KHDRBS2: variants seen among roughly 807,000 people sequenced by gnomAD.
KHDRBS2 encodes KH domain-containing, RNA-binding, signal transduction-associated protein 2.
KHDRBS2 carries 26 observed loss-of-function variants against 44.3 expected under a neutral mutation model. The ratio of observed to expected loss-of-function variants is 0.59; its 90% CI spans 0.43 to 0.81. The LOEUF is 0.81. Among genes scored for constraint, KHDRBS2 ranks in the 40% least tolerant of loss-of-function variants. The pLI, the probability that KHDRBS2 is intolerant of heterozygous loss-of-function variation, is 0.00. For synonymous variants in KHDRBS2, 194 were observed against 151.1 expected, an observed-to-expected ratio of 1.28 and a Z score of -2.08; for missense variants, 476 against 433.1, an observed-to-expected ratio of 1.10 and a Z score of -0.88.
intron 4 of KHDRBS2, among the ~76,000 whole-genome samples, chr6:61,962,748 T>TA (rs1168709465): frequency 2.0e-5 from 3 of 152,206 alleles, no homozygotes; most frequent in Admixed American, 6.6e-5. Context: ...TAGTCATGAC[T>TA]ACAGTCTAGG....
chr6:61,937,042 C>T (rs1811154441), intron 4 of KHDRBS2, among the ~76,000 whole-genome samples: 2 of 151,900 alleles, frequency 1.3e-5, no homozygotes, highest in Non-Finnish European at 2.9e-5. Flanking sequence ...TCTTGATTCT[C>T]TCCCTGACTT....
At chr6:61,558,389 C>G in the KHDRBS2 span, among the ~76,000 whole-genome samples, 3 of 151,780 alleles carry the variant, frequency 2.0e-5, no homozygotes, top group Non-Finnish European at 4.4e-5. Context: ...TGGCAAAACC[C>G]TGTCTCTAAA....
the KHDRBS2 span, among the ~76,000 whole-genome samples, chr6:61,550,047 T>G: frequency 6.6e-6 from 1 of 152,168 alleles, no homozygotes; most frequent in Non-Finnish European, 1.5e-5. Flanking sequence ...AGTTTAAATT[T>G]CTTTTGAATT....
intron 4 of KHDRBS2, among the ~76,000 whole-genome samples, chr6:61,905,873 T>TTTTTA (rs1804907759): frequency 6.7e-6 from 1 of 148,970 alleles, no homozygotes; most frequent in African/African-American, 2.5e-5. Flanking sequence ...TTTTTTTTTT[T>TTTTTA]GAGATGGAGT....
chr6:61,590,098 T>G, the KHDRBS2 span, among the ~76,000 whole-genome samples: 1 of 152,206 alleles, frequency 6.6e-6, no homozygotes, highest in Admixed American at 6.5e-5. Flanking sequence ...CTCAATAGTT[T>G]AGCCTATTTA....
At chr6:62,216,894 A>C (rs1290806320) in intron 1 of KHDRBS2, among the ~76,000 whole-genome samples, 1 of 151,218 alleles carries the variant, frequency 6.6e-6, no homozygotes, top group Non-Finnish European at 1.5e-5. Context: ...GCCAAATACT[A>C]TTATTAAAAT....
At chr6:61,643,660 G>C in the KHDRBS2 span, among the ~76,000 whole-genome samples, 125,652 of 152,084 alleles carry the variant, frequency 0.83, 52,163 homozygotes, top group Non-Finnish European at 0.87. Flanking sequence ...TACACCCTAA[G>C]AGCAGCCATG....
intron 3 of KHDRBS2, among the ~76,000 whole-genome samples, chr6:61,988,449 C>T (rs1195671097): frequency 6.6e-6 from 1 of 152,168 alleles, no homozygotes; most frequent in Non-Finnish European, 1.5e-5. Context: ...TTTTCTTTCT[C>T]AATTCCAACT....
chr6:61,740,877 A>G (rs1776038253), intron 6 of KHDRBS2, among the ~76,000 whole-genome samples: 1 of 151,926 alleles, frequency 6.6e-6, no homozygotes, highest in South Asian at 2.1e-4. Flanking sequence ...TTTGAGCTAG[A>G]GATATGGCTC....
chr6:61,932,801 A>T (rs1328047265), intron 4 of KHDRBS2, among the ~76,000 whole-genome samples: 2 of 152,124 alleles, frequency 1.3e-5, no homozygotes, highest in East Asian at 3.9e-4. Context: ...TCAAGAAAAA[A>T]ATAAAAAATA....
the KHDRBS2 span, among the ~76,000 whole-genome samples, chr6:61,574,857 G>C: frequency 6.6e-6 from 1 of 152,118 alleles, no homozygotes; most frequent in East Asian, 1.9e-4. Context: ...GCAGTGAGCA[G>C]AGATCATGCC....
At chr6:62,047,798 C>G (rs964265084) in intron 3 of KHDRBS2, 80 bp downstream of exon 3, 60 of 848,276 alleles carry the variant, frequency 7.1e-5, no homozygotes, top group Non-Finnish European at 1.2e-4. Flanking sequence ...AAGAGCAGTT[C>G]AGGCATGCTT....
chr6:62,043,350 G>A (rs796547687), intron 3 of KHDRBS2, among the ~76,000 whole-genome samples: 48 of 152,002 alleles, frequency 3.2e-4, no homozygotes, highest in African/African-American at 1.1e-3. Flanking sequence ...CTGGCCATAT[G>A]GTATATGAAG....
intron 2 of KHDRBS2, among the ~76,000 whole-genome samples, chr6:62,108,743 T>G (rs1254967897): frequency 6.6e-6 from 1 of 152,180 alleles, no homozygotes; most frequent in Non-Finnish European, 1.5e-5. Context: ...GTGGCATATA[T>G]ACACCATGGA....
the KHDRBS2 span, among the ~76,000 whole-genome samples, chr6:61,587,573 C>T: frequency 6.6e-6 from 1 of 152,044 alleles, no homozygotes; most frequent in South Asian, 2.1e-4. Context: ...CATGGATGTC[C>T]CAGTCTTCCT....
chr6:62,073,374 C>G (rs1228434311), intron 2 of KHDRBS2, among the ~76,000 whole-genome samples: 1 of 151,440 alleles, frequency 6.6e-6, no homozygotes, highest in Admixed American at 6.6e-5. Context: ...CTTTCATAAA[C>G]CTTTTTACTT....
At chr6:61,543,020 C>T in the KHDRBS2 span, among the ~76,000 whole-genome samples, 1,100 of 152,010 alleles carry the variant, frequency 7.2e-3, 13 homozygotes, top group African/African-American at 0.025. Flanking sequence ...CTAAAATAAA[C>T]ATCAGGGAAA....
At chr6:61,990,545 C>T (rs1168458207) in intron 3 of KHDRBS2, among the ~76,000 whole-genome samples, 2 of 151,944 alleles carry the variant, frequency 1.3e-5, no homozygotes, top group Admixed American at 6.6e-5. Context: ...AGAAGTAGAA[C>T]TACAAAGAAA....
chr6:62,231,546 G>A (rs1204290355), intron 1 of KHDRBS2, among the ~76,000 whole-genome samples: 1 of 152,032 alleles, frequency 6.6e-6, no homozygotes, highest in African/African-American at 2.4e-5. Context: ...AGATTTGGGT[G>A]GGGACACACA....
Sources: gnomAD v4.1 joint callset for allele counts (sites outside exome capture counted in the v4.1 genomes callset) on GRCh38, gnomAD v4.1.1 for gene constraint, MANE v1.5 for transcripts, NCBI Gene and HGNC (gene_info 2026-07-23, HGNC 2026-07-21) for gene names.